WDR25: variants seen among roughly 807,000 people sequenced by gnomAD.
The protein encoded by WDR25 is WD repeat domain 25.
Under a neutral mutation model 47.7 loss-of-function variants are expected in WDR25, and 35 were observed. That is an observed-to-expected ratio of 0.73 (90% CI 0.56 to 0.97). The LOEUF is 0.97. WDR25 is among the 50% of genes least tolerant of loss of function. WDR25 has a pLI of 0.00. For synonymous variants in WDR25, 248 were observed against 278.9 expected, an observed-to-expected ratio of 0.89 and a Z score of 1.10; for missense variants, 634 against 704.7, an observed-to-expected ratio of 0.90 and a Z score of 1.14.
At chr14:100,515,251 T>A (rs1457730103) in intron 4 of WDR25, among the ~76,000 whole-genome samples, 1 of 152,218 alleles carries the variant, frequency 6.6e-6, no homozygotes, top group Non-Finnish European at 1.5e-5. Flanking sequence ...TTAATCAATG[T>A]ATTATAGTCT....
chr14:100,483,187 A>G (rs140301442), intron 3 of WDR25, among the ~76,000 whole-genome samples: 57 of 152,254 alleles, frequency 3.7e-4, no homozygotes, highest in African/African-American at 1.3e-3. Flanking sequence ...ACCAGCTTTG[A>G]CCTGCTCCAA....
At position 100,529,925 on chromosome 14, in the gene WDR25, C is replaced by A; in HGVS notation, c.1519C>A (p.Arg507=). 6.2e-7 allele frequency: 1 copy of A among 1,613,520 alleles called. No homozygotes were observed. The highest frequency in any genetic ancestry group is 8.5e-7 in the Non-Finnish European group (1 of 1,180,034). ...VLMYSFRTAS[R]ACTLQGHTQA... ...GATGTACAGCTTCCGCACAGCCAGC[C>A]GAGCATGCACACTGCAGGGGCACAC... The change falls in exon 7 of 7, where the codon CGA becomes AGA. Residue 507 remains arginine, a synonymous_variant. Coordinates refer to ENST00000402312, the MANE Select transcript of WDR25 (RefSeq NM_001161476.3). The surrounding 1 kb of genome is among the most constrained non-coding windows in gnomAD (Gnocchi z 5.1).
At chr14:100,398,427 T>C (rs1897307395) in intron 2 of WDR25, among the ~76,000 whole-genome samples, 1 of 152,152 alleles carries the variant, frequency 6.6e-6, no homozygotes, top group African/African-American at 2.4e-5. Flanking sequence ...AAAAGATAAA[T>C]CATTGTTAGA....
At chr14:100,465,166 T>TTGTG (rs138761463) in intron 2 of WDR25, among the ~76,000 whole-genome samples, 4 of 151,920 alleles carry the variant, frequency 2.6e-5, no homozygotes, top group South Asian at 2.1e-4. Flanking sequence ...TTTTTTTTCT[T>TTGTG]TGTGTGTGTG....
At chr14:100,393,145 T>C (rs1324735649) in intron 2 of WDR25, among the ~76,000 whole-genome samples, 1 of 152,258 alleles carries the variant, frequency 6.6e-6, no homozygotes, top group African/African-American at 2.4e-5. Context: ...CTTAACCTGC[T>C]GAGTTTAGAA....
At chr14:100,394,645 C>T (rs2140159340) in intron 2 of WDR25, among the ~76,000 whole-genome samples, 1 of 152,302 alleles carries the variant, frequency 6.6e-6, no homozygotes, top group East Asian at 1.9e-4. Flanking sequence ...GAGAAAGGCC[C>T]TCCAGGGCTA....
At chr14:100,429,314 T>A (rs1370334746) in intron 2 of WDR25, among the ~76,000 whole-genome samples, 1 of 152,100 alleles carries the variant, frequency 6.6e-6, no homozygotes, top group Non-Finnish European at 1.5e-5. Flanking sequence ...TGTGCTCCCA[T>A]CCCTATGAGG....
At chr14:100,389,622 C>T (rs1034379387) in intron 2 of WDR25, among the ~76,000 whole-genome samples, 1 of 152,208 alleles carries the variant, frequency 6.6e-6, no homozygotes, top group Non-Finnish European at 1.5e-5. Flanking sequence ...CCTGCCTTCA[C>T]CTGGCCTCCC....
intron 3 of WDR25, among the ~76,000 whole-genome samples, chr14:100,473,267 A>G (rs1899905444): frequency 6.6e-6 from 1 of 152,102 alleles, no homozygotes; most frequent in South Asian, 2.1e-4. Context: ...TCCTCCTGTG[A>G]GAGGAGTGTT....
At chr14:100,391,746 T>A (rs1387434103) in intron 2 of WDR25, among the ~76,000 whole-genome samples, 1 of 152,228 alleles carries the variant, frequency 6.6e-6, no homozygotes, top group Admixed American at 6.5e-5. Context: ...CAGTTTTTAA[T>A]GCTGTAATTT....
intron 4 of WDR25, among the ~76,000 whole-genome samples, chr14:100,513,660 T>C (rs1901385870): frequency 6.6e-6 from 1 of 152,038 alleles, no homozygotes; most frequent in Non-Finnish European, 1.5e-5. Context: ...TCCTAATGAA[T>C]TGATTCTTTT....
chr14:100,410,952 T>G (rs770807631), intron 2 of WDR25, among the ~76,000 whole-genome samples: 42 of 151,948 alleles, frequency 2.8e-4, no homozygotes, highest in Non-Finnish European at 5.7e-4. Context: ...CTGGCTAATT[T>G]TTGTATTTTT....
chr14:100,437,208 C>T (rs1349855028), intron 2 of WDR25, among the ~76,000 whole-genome samples: 1 of 152,160 alleles, frequency 6.6e-6, no homozygotes, highest in Non-Finnish European at 1.5e-5. Context: ...CCAACCCACA[C>T]GTTGGTCTTG....
intron 1 of WDR25, 52 bp downstream of exon 1, chr14:100,376,547 C>A: frequency 8.1e-7 from 1 of 1,231,824 alleles, no homozygotes; most frequent in Non-Finnish European, 1.0e-6. Flanking sequence ...GACTGGGCAG[C>A]GCCTAAAGCG....
Position 100,426,797 on chromosome 14 carries a change from G to A in WDR25, c.823-41224G>A, listed in dbSNP as rs1007384890. On this transcript the variant is annotated intron_variant, in intron 2 of 6. Coordinates refer to ENST00000402312, the MANE Select transcript of WDR25 (RefSeq NM_001161476.3). ...GCCAGGCATTGTGCAAGGCAACCGG[G>A]CACAGAGAAACAAAAGATACGCCCC... Among the ~76,000 whole-genome samples, 8 of 152,158 alleles carry A rather than the reference G, an allele frequency of 5.3e-5. No homozygotes were observed. The South Asian group carries it at 1.7e-3, about 31-fold the overall frequency.
chr14:100,510,136 G>A (rs529076920), intron 4 of WDR25, among the ~76,000 whole-genome samples: 39 of 151,934 alleles, frequency 2.6e-4, no homozygotes, highest in African/African-American at 9.4e-4. Context: ...TGGGCGTGGT[G>A]GCGTGTGTCT....
At chr14:100,475,166 A>G (rs753538513) in intron 3 of WDR25, among the ~76,000 whole-genome samples, 6 of 152,248 alleles carry the variant, frequency 3.9e-5, no homozygotes, top group Non-Finnish European at 7.3e-5. Flanking sequence ...TGTGGAGAAA[A>G]GGGAATCCTT....
chr14:100,493,017 C>T (rs576087597), intron 4 of WDR25, among the ~76,000 whole-genome samples: 40 of 152,300 alleles, frequency 2.6e-4, no homozygotes, highest in African/African-American at 7.7e-4. Context: ...CACTATGTTG[C>T]GCAGGCTGGT....
At chr14:100,422,248 T>C (rs1430948284) in intron 2 of WDR25, among the ~76,000 whole-genome samples, 2 of 152,160 alleles carry the variant, frequency 1.3e-5, no homozygotes, top group East Asian at 3.8e-4. Context: ...GCTGGGACCC[T>C]GGCTGTGCTG....
Sources: allele counts gnomAD v4.1 joint callset (sites outside exome capture counted in the v4.1 genomes callset), GRCh38; gene constraint gnomAD v4.1.1; non-coding constraint Gnocchi (gnomAD v3.1); transcripts MANE v1.5; gene names NCBI Gene and HGNC (gene_info 2026-07-23, HGNC 2026-07-21).